The following MYO5A variants were observed in gnomAD, a reference collection of about 807,000 sequenced individuals.
MYO5A encodes the protein unconventional myosin-Va.
In MYO5A, 98 loss-of-function variants were observed where a neutral mutation model predicts 249.7. The observed-to-expected ratio is 0.39, with a 90% CI of 0.33 to 0.46. MYO5A has a LOEUF of 0.46. Among genes scored for constraint, MYO5A ranks in the 20% least tolerant of loss-of-function variants. MYO5A has a pLI of 0.98. For missense variants in MYO5A, 1,696 were observed against 2,308.8 expected, an observed-to-expected ratio of 0.73 and a Z score of 5.44; for synonymous variants, 778 against 810.6, an observed-to-expected ratio of 0.96 and a Z score of 0.68.
At chr15:52,328,148 T>C (rs1005235137) in intron 35 of MYO5A, 142 bp from the exon 36 acceptor site, 1 of 688,046 alleles carries the variant, frequency 1.5e-6, no homozygotes, top group Non-Finnish European at 2.4e-6. Context: ...TTTTAATAGC[T>C]CTTTAAGTAG....
chr15:52,428,327 A>C, intron 3 of MYO5A, 71 bp downstream of exon 3: 1 of 1,473,810 alleles, frequency 6.8e-7, no homozygotes, highest in Admixed American at 1.7e-5. Context: ...TTCCCCATGT[A>C]CAATATTTCT....
At chr15:52,321,180 T>C (rs981587885) in intron 38 of MYO5A, among the ~76,000 whole-genome samples, 179 bp downstream of exon 38, 1 of 152,266 alleles carries the variant, frequency 6.6e-6, no homozygotes, top group African/African-American at 2.4e-5. Context: ...GTGATTTCGA[T>C]GTATCCCAGT....
intron 11 of MYO5A, among the ~76,000 whole-genome samples, chr15:52,393,661 G>A (rs2693459): frequency 0.052 from 7,840 of 152,228 alleles, 238 homozygotes; most frequent in South Asian, 0.092. Context: ...CCAAAGTGCC[G>A]GAATTACAGG....
intron 23 of MYO5A, among the ~76,000 whole-genome samples, chr15:52,366,659 C>G (rs916388499): frequency 8.0e-6 from 1 of 125,162 alleles, no homozygotes; most frequent in South Asian, 2.6e-4. Context: ...AAAGACAATA[C>G]ACACACACAC....
chr15:52,375,609 A>T lies in MYO5A; in HGVS notation c.2421-149T>A. On this transcript the variant is annotated intron_variant, in intron 19 of 41. Transcript: ENST00000399233. Reference sequence around the variant, plus strand: ...TAATGTGCATGCTAAGTCAACATTTATATTTACTTACATTTGTATAGCAAT... The same window carrying T: ...TAATGTGCATGCTAAGTCAACATTTTTATTTACTTACATTTGTATAGCAAT... 4.5e-6 allele frequency: 4 copies of T among 894,494 alleles called. No individual in the cohort carries two copies. The South Asian group carries it at 6.2e-5, about 14-fold the overall frequency. The allele number at this position is 894,494 out of a possible 1,614,324, so 55.4% of individuals were successfully genotyped here.
intron 35 of MYO5A, among the ~76,000 whole-genome samples, chr15:52,329,982 C>T (rs28617299): frequency 0.089 from 10,435 of 116,628 alleles, 1,424 homozygotes; most frequent in African/African-American, 0.33. Context: ...AGGGTTTTTT[C>T]TTTTTCTTTT....
chr15:52,501,592 C>T (rs961986882), intron 1 of MYO5A, among the ~76,000 whole-genome samples: 4 of 151,718 alleles, frequency 2.6e-5, no homozygotes, highest in African/African-American at 7.3e-5. Context: ...GAACAAATCC[C>T]TGGCTCTAAA....
At chr15:52,459,146 AATTTTTTTTTT>A (rs1478853451) in intron 1 of MYO5A, among the ~76,000 whole-genome samples, 1 of 49,098 alleles carries the variant, frequency 2.0e-5, no homozygotes. Flanking sequence ...ATTTTCCAGA[AATTTTTTTTTT>A]TTTTTTTTTT....
chr15:52,453,559 G>A (rs938249799), intron 1 of MYO5A, among the ~76,000 whole-genome samples: 1 of 152,166 alleles, frequency 6.6e-6, no homozygotes, highest in Non-Finnish European at 1.5e-5. Context: ...AATTGAAACT[G>A]CAATGGTGAT....
intron 22 of MYO5A, among the ~76,000 whole-genome samples, chr15:52,368,939 G>A (rs1259284819): frequency 3.9e-5 from 6 of 152,216 alleles, no homozygotes; most frequent in Non-Finnish European, 8.8e-5. Context: ...GAAAGCTTCC[G>A]TGGTTTGGGG....
At position 52,370,318 on chromosome 15, in the gene MYO5A, G is replaced by A; in HGVS notation, c.2917C>T (p.Leu973=). ...KLRSDLERLQ[L]SEEEAKVATG... ...GCAACTTTCGCTTCCTCTTCACTTA[G>A]TTGAAGACGTTCTAAGTCACTTCGT... The change falls in exon 22 of 42, where the codon CTA becomes TTA. Residue 973 remains leucine, a synonymous_variant. Coordinates refer to ENST00000399233, the MANE Select transcript of MYO5A (RefSeq NM_001382347.1). 1.2e-6 allele frequency: 2 copies of A among 1,614,096 alleles called. No homozygotes were observed. Among genetic ancestry groups the A allele is most frequent in the South Asian group, 1.1e-5 (1 of 91,080 alleles).
intron 9 of MYO5A, among the ~76,000 whole-genome samples, chr15:52,401,255 A>T (rs1400048372): frequency 1.3e-5 from 2 of 152,122 alleles, no homozygotes; most frequent in African/African-American, 4.8e-5. Flanking sequence ...TCTTTAGTAG[A>T]GAGAGGGTTT....
intron 40 of MYO5A, among the ~76,000 whole-genome samples, chr15:52,316,797 T>C (rs1346769889): frequency 6.6e-6 from 1 of 152,220 alleles, no homozygotes; most frequent in African/African-American, 2.4e-5. Flanking sequence ...GCCTTCAATG[T>C]TATATAGAAC....
At chr15:52,342,686 G>A (rs1399559730) in intron 31 of MYO5A, among the ~76,000 whole-genome samples, 1 of 152,072 alleles carries the variant, frequency 6.6e-6, no homozygotes, top group Non-Finnish European at 1.5e-5. Context: ...AGGCTCAGGT[G>A]GGCGCATCAC....
intron 1 of MYO5A, among the ~76,000 whole-genome samples, chr15:52,455,418 C>CA (rs1260586744): frequency 1.3e-5 from 2 of 151,848 alleles, no homozygotes; most frequent in South Asian, 4.1e-4. Flanking sequence ...TCAAACTCTT[C>CA]AAAAAAATTG....
chr15:52,418,960 A>C (rs1279573042), intron 4 of MYO5A, among the ~76,000 whole-genome samples: 3 of 152,222 alleles, frequency 2.0e-5, no homozygotes, highest in Admixed American at 6.5e-5. Flanking sequence ...TGGTCATACC[A>C]AACACTATTC....
chr15:52,475,878 G>T (rs1304467963), intron 1 of MYO5A, among the ~76,000 whole-genome samples: 1 of 152,196 alleles, frequency 6.6e-6, no homozygotes, highest in Non-Finnish European at 1.5e-5. Context: ...ATTTGGGGTG[G>T]AGAGTTCTGT....
intron 38 of MYO5A, among the ~76,000 whole-genome samples, chr15:52,320,275 G>A (rs1245585518): frequency 6.6e-6 from 1 of 152,212 alleles, no homozygotes; most frequent in South Asian, 2.1e-4. Context: ...AGCCCCTTGA[G>A]AGCAAAGGCC....
rs2037803392 is a variant in MYO5A, at chr15:52,312,341, C to T, written c.*1355G>A. 6.6e-6 allele frequency: 1 copy of T among 152,154 alleles called. No homozygotes were observed. Among genetic ancestry groups the T allele is most frequent in the African/African-American group, 2.4e-5 (1 of 41,446 alleles). 9.4% of individuals were successfully genotyped at this position (152,154 alleles called of 1,614,324 possible). ...AAGACCTGAATCGTGAATATTCTGA[C>T]AATCCTCTCTAGATAGTGAGTGAGA... is the stretch of plus-strand genomic sequence containing the variant. On this transcript the variant is annotated 3_prime_UTR_variant, in exon 42 of 42. Transcript: ENST00000399233.
Sources: gnomAD v4.1 joint callset for allele counts (sites outside exome capture counted in the v4.1 genomes callset) on GRCh38, gnomAD v4.1.1 for gene constraint, MANE v1.5 for transcripts, NCBI Gene and HGNC (gene_info 2026-07-23, HGNC 2026-07-21) for gene names.